IGF1R: variants seen among roughly 807,000 people sequenced by gnomAD.
The protein encoded by IGF1R is insulin-like growth factor 1 receptor.
IGF1R carries 44 observed loss-of-function variants against 144.6 expected under a neutral mutation model. That is an observed-to-expected ratio of 0.30 (90% CI 0.24 to 0.39). The LOEUF (loss-of-function observed/expected upper bound fraction) is 0.39, where lower values mean the gene tolerates loss of function less well. Ranked by LOEUF, IGF1R falls within the 10% of genes least tolerant of loss-of-function variation. The pLI is 1.00. For synonymous variants in IGF1R, 795 were observed against 722.8 expected (o/e 1.10, Z -1.60); for missense variants, 1,355 against 1,833.7 (o/e 0.74, Z 4.77).
rs3825952 is a variant in IGF1R, at chr15:98,964,212, A to T, written c.*6770A>T. Reference sequence around the variant, plus strand: ...TTCTGAGTTTTCTTGTTAAAAAAAAATTTTTTTAAGTAAGAAAAAAAAAGG... The same window carrying T: ...TTCTGAGTTTTCTTGTTAAAAAAAATTTTTTTTAAGTAAGAAAAAAAAAGG... On this transcript the variant is annotated 3_prime_UTR_variant, in exon 21 of 21. Coordinates refer to ENST00000650285, the MANE Select transcript of IGF1R (RefSeq NM_000875.5). 2.9e-3 allele frequency: 674 copies of T among 232,546 alleles called. 8 individuals are homozygous for T. Among genetic ancestry groups the T allele is most frequent in the Middle Eastern group, 7.7e-3 (6 of 780 alleles). 14.4% of individuals were successfully genotyped at this position (232,546 alleles called of 1,614,324 possible).
chr15:98,759,686 G>T (rs1044474363), intron 2 of IGF1R, among the ~76,000 whole-genome samples: 3 of 152,162 alleles, frequency 2.0e-5, no homozygotes, highest in Admixed American at 6.5e-5. Context: ...GGGACCTGGG[G>T]CAATATGTCA....
At chr15:98,829,693 C>G (rs545936610) in intron 2 of IGF1R, among the ~76,000 whole-genome samples, 27 of 152,294 alleles carry the variant, frequency 1.8e-4, no homozygotes, top group Non-Finnish European at 4.0e-4. Context: ...GTCTGTAACT[C>G]TAAATCTTTT....
chr15:98,731,235 T>C (rs948064196), intron 2 of IGF1R, among the ~76,000 whole-genome samples: 1 of 152,222 alleles, frequency 6.6e-6, no homozygotes, highest in Non-Finnish European at 1.5e-5. Flanking sequence ...ATAGATGTCA[T>C]GGGATGTGTG....
At chr15:98,659,534 A>G (rs1191283641) in intron 1 of IGF1R, among the ~76,000 whole-genome samples, 3 of 152,180 alleles carry the variant, frequency 2.0e-5, no homozygotes, top group African/African-American at 7.2e-5. Flanking sequence ...TGTGGATACT[A>G]CAGACTTCTG....
intron 2 of IGF1R, among the ~76,000 whole-genome samples, chr15:98,825,646 T>C (rs2056881017): frequency 6.6e-6 from 1 of 152,152 alleles, no homozygotes; most frequent in African/African-American, 2.4e-5. Flanking sequence ...CACCCATCTG[T>C]GGAAAAATTG....
intron 5 of IGF1R, among the ~76,000 whole-genome samples, chr15:98,902,557 A>G (rs1461174232): frequency 6.7e-6 from 1 of 149,960 alleles, no homozygotes; most frequent in Non-Finnish European, 1.5e-5. Flanking sequence ...AGCTGGGATT[A>G]CTGGCACGCA....
At chr15:98,820,989 T>TAC (rs1456779319) in intron 2 of IGF1R, 1 of 152,220 alleles carries the variant, frequency 6.6e-6, no homozygotes, top group East Asian at 1.9e-4. Context: ...CTTTTTGGTG[T>TAC]ACAACAGCTA....
chr15:98,675,932 TCTA>T (rs2053030551), intron 1 of IGF1R, among the ~76,000 whole-genome samples: 1 of 150,574 alleles, frequency 6.6e-6, no homozygotes, highest in African/African-American at 2.5e-5. Context: ...TCCAAGTGAT[TCTA>T]CTGCCTCAGC....
Position 98,649,480 on chromosome 15 carries a change from A to G in IGF1R, c.-102A>G. 1.2e-6 allele frequency: 1 copy of G among 808,986 alleles called. No homozygotes were observed. The highest frequency in any genetic ancestry group is 2.0e-6 in the Non-Finnish European group (1 of 506,352). The allele number at this position is 808,986 out of a possible 1,614,324, so 50.1% of individuals were successfully genotyped here. A position where few individuals can be genotyped will look rare whatever the true frequency, so the allele number is the denominator to read the frequency against. ...GTTTTTGGAGGGGGAGCGAAGACTG[A>G]GTTTGAGACTTGTTTCCTTTCATTT... On this transcript the variant is annotated 5_prime_UTR_variant, in exon 1 of 21. Transcript: ENST00000650285.
At chr15:98,686,450 T>C (rs2141223384) in intron 1 of IGF1R, among the ~76,000 whole-genome samples, 1 of 152,330 alleles carries the variant, frequency 6.6e-6, no homozygotes, top group African/African-American at 2.4e-5. Flanking sequence ...AATTGCTGGA[T>C]CATATGGCAG....
chr15:98,775,205 C>A (rs542773834), intron 2 of IGF1R, among the ~76,000 whole-genome samples: 84 of 152,320 alleles, frequency 5.5e-4, no homozygotes, highest in African/African-American at 1.9e-3. Context: ...CCTGCTGTAG[C>A]AAGCGGGACC....
intron 2 of IGF1R, among the ~76,000 whole-genome samples, chr15:98,712,181 G>T (rs1056228872): frequency 6.6e-6 from 1 of 151,972 alleles, no homozygotes; most frequent in Non-Finnish European, 1.5e-5. Context: ...TAACTGCATT[G>T]CCTCCTGTCT....
At chr15:98,705,098 C>G (rs1476548414) in intron 1 of IGF1R, among the ~76,000 whole-genome samples, 4 of 152,120 alleles carry the variant, frequency 2.6e-5, no homozygotes, top group African/African-American at 9.7e-5. Context: ...TGAATTTGAT[C>G]ATATCTAGAG....
rs182645795 is a variant in IGF1R at position 98,962,669 on chromosome 15, C to T, written c.*5227C>T. 317 of 233,788 alleles carry T rather than the reference C, an allele frequency of 1.4e-3. 2 individuals carry two copies. The highest frequency in any genetic ancestry group is 0.013 in the Admixed American group (230 of 17,788). 14.5% of individuals were successfully genotyped at this position (233,788 alleles called of 1,614,324 possible). On this transcript the variant is annotated 3_prime_UTR_variant, in exon 21 of 21. Transcript: ENST00000650285. ...AACCATTGTCACAGGGATCCTGGCA[C>T]AGAGAAGAGTTACGAGCAGCAGGGT...
At chr15:98,933,734 G>A (rs924036030) in intron 15 of IGF1R, among the ~76,000 whole-genome samples, 1 of 152,096 alleles carries the variant, frequency 6.6e-6, no homozygotes, top group African/African-American at 2.4e-5. Flanking sequence ...TCTACCCATT[G>A]GTCAAGGTCC....
chr15:98,871,298 C>G (rs2012772778), intron 2 of IGF1R, among the ~76,000 whole-genome samples: 1 of 152,196 alleles, frequency 6.6e-6, no homozygotes, highest in Non-Finnish European at 1.5e-5. Context: ...TTAGCATCGT[C>G]CATTTGTTAG....
chr15:98,899,523 G>A lies in IGF1R; in HGVS notation c.1149G>A (p.Val383=). The A allele has an allele frequency of 6.2e-7, 1 of 1,614,172 alleles. No homozygotes were observed. Among genetic ancestry groups the A allele is most frequent in the Non-Finnish European group, 8.5e-7 (1 of 1,180,008 alleles). The stretch of plus-strand genomic sequence containing the variant: ...AGAACTTCATGGGGCTCATCGAGGT[G>A]GTGACGGGCTACGTGAAGATCCGCC... ...ELENFMGLIE[V]VTGYVKIRHS... is the part of the protein sequence containing the mutation. The change falls in exon 5 of 21, where the codon GTG becomes GTA. Residue 383 remains valine (V), a synonymous_variant. Transcript: ENST00000650285.
chr15:98,759,080 A>G (rs1324012067), intron 2 of IGF1R, among the ~76,000 whole-genome samples: 7 of 152,320 alleles, frequency 4.6e-5, no homozygotes, highest in Non-Finnish European at 7.4e-5. Flanking sequence ...CTCTGTCTCC[A>G]TCACTCAGTA....
intron 20 of IGF1R, among the ~76,000 whole-genome samples, chr15:98,949,936 C>G (rs1017991501): frequency 6.6e-6 from 1 of 152,136 alleles, no homozygotes; most frequent in African/African-American, 2.4e-5. Context: ...TGTTCCAGTT[C>G]AGTCATCAGG....
Sources: gnomAD v4.1 joint callset for allele counts (sites outside exome capture counted in the v4.1 genomes callset) on GRCh38, gnomAD v4.1.1 for gene constraint, MANE v1.5 for transcripts, NCBI Gene and HGNC (gene_info 2026-07-23, HGNC 2026-07-21) for gene names.